The following MAP2K5 variants were observed in gnomAD, a reference collection of about 807,000 sequenced individuals.
The protein encoded by MAP2K5 is mitogen-activated protein kinase kinase 5.
In MAP2K5, 49 loss-of-function variants were observed where a neutral mutation model predicts 83.1. The observed-to-expected ratio is 0.59, with a 90% CI of 0.47 to 0.75. The LOEUF (loss-of-function observed/expected upper bound fraction) is 0.75. MAP2K5 is among the 30% of genes least tolerant of loss of function. MAP2K5 has a pLI of 0.00. For synonymous variants in MAP2K5, 202 were observed against 191.8 expected, an observed-to-expected ratio of 1.05 and a Z score of -0.44; for missense variants, 457 against 557.5, an observed-to-expected ratio of 0.82 and a Z score of 1.82.
At chr15:67,569,132 A>G (rs2583581) in intron 3 of MAP2K5, among the ~76,000 whole-genome samples, 2,915 of 152,324 alleles carry the variant, frequency 0.019, 99 homozygotes, top group African/African-American at 0.065. Flanking sequence ...TAGAAGTTGA[A>G]TATTTAATAG....
intron 16 of MAP2K5, among the ~76,000 whole-genome samples, chr15:67,714,993 C>A (rs944760045): frequency 4.6e-5 from 7 of 152,140 alleles, no homozygotes; most frequent in Non-Finnish European, 5.9e-5. Flanking sequence ...AAAGTTTTTG[C>A]TGAGGACCAT....
intron 16 of MAP2K5, among the ~76,000 whole-genome samples, chr15:67,715,204 A>AT (rs1215821938): frequency 5.5e-5 from 7 of 127,072 alleles, no homozygotes; most frequent in Non-Finnish European, 1.1e-4. Context: ...TTCTGTCTTG[A>AT]TTTTTTTCCA....
chr15:67,747,954 C>T lies in MAP2K5; in HGVS notation c.1075-277C>T, dbSNP rs1445722495. ...TATAAAACATTATTTATATCTGAAT[C>T]GTAAACAGCCTTTTGAAATGGATTA... On this transcript the variant is annotated intron_variant, in intron 17 of 21. Transcript: ENST00000178640. The surrounding 1 kb of genome is among the most constrained non-coding windows in gnomAD (Gnocchi z 4.1). Among the ~76,000 whole-genome samples, 3 of 152,202 alleles carry T rather than the reference C, an allele frequency of 2.0e-5. No individual in the cohort carries two copies. Among genetic ancestry groups the T allele is most frequent in the South Asian group, 2.1e-4 (1 of 4,832 alleles).
intron 17 of MAP2K5, among the ~76,000 whole-genome samples, chr15:67,737,844 CTTTTTTTTTTT>C (rs35988425): frequency 2.9e-5 from 2 of 69,296 alleles, no homozygotes; most frequent in Non-Finnish European, 4.9e-5. Context: ...ATAGAATAGT[CTTTTTTTTTTT>C]TTTTTTTTTT....
At chr15:67,739,106 C>T (rs555180103) in intron 17 of MAP2K5, among the ~76,000 whole-genome samples, 1 of 151,754 alleles carries the variant, frequency 6.6e-6, no homozygotes, top group African/African-American at 2.4e-5. Flanking sequence ...ACAGGGAGAC[C>T]CCGTCTCTAC....
At chr15:67,767,810 G>A (rs921843278) in intron 19 of MAP2K5, among the ~76,000 whole-genome samples, 5 of 152,064 alleles carry the variant, frequency 3.3e-5, no homozygotes, top group East Asian at 1.9e-4. Context: ...ATCCACCTCC[G>A]TTTTTCATGT....
intron 8 of MAP2K5, among the ~76,000 whole-genome samples, chr15:67,601,518 G>A (rs2085658700): frequency 6.6e-6 from 1 of 152,150 alleles, no homozygotes; most frequent in Admixed American, 6.5e-5. Flanking sequence ...TTCCTCCAGA[G>A]AGCTGGTTTT....
chr15:67,710,711 C>A (rs2088671500), intron 16 of MAP2K5, among the ~76,000 whole-genome samples: 1 of 152,008 alleles, frequency 6.6e-6, no homozygotes, highest in African/African-American at 2.4e-5. Context: ...GCCATGTTGG[C>A]CAGGCTGGTC....
chr15:67,791,922 T>C lies in MAP2K5; in HGVS notation c.1243-14724T>C, dbSNP rs3784715. Among the ~76,000 whole-genome samples, 4 of 152,200 alleles carry C rather than the reference T, an allele frequency of 2.6e-5. No homozygotes were observed. The East Asian group carries it at 7.7e-4, about 29-fold the overall frequency. On this transcript the variant is annotated intron_variant, in intron 21 of 21. Coordinates refer to ENST00000178640, the MANE Select transcript of MAP2K5 (RefSeq NM_145160.3). ...CTGTTCCCCTCACCACCAGGGAGAA[T>C]GTCATGGCTGCAACAAAGACTTAAA...
rs951438851 is a variant in MAP2K5, at chr15:67,768,944, A to G, written c.1135-658A>G. Among the ~76,000 whole-genome samples, 2 of 151,696 alleles carry G rather than the reference A, an allele frequency of 1.3e-5. No homozygotes were observed. Among genetic ancestry groups the G allele is most frequent in the Admixed American group, 1.3e-4 (2 of 15,214 alleles). On this transcript the variant is annotated intron_variant, in intron 19 of 21. Coordinates refer to ENST00000178640, the MANE Select transcript of MAP2K5 (RefSeq NM_145160.3). This position sits in a 1 kb window ranked among gnomAD's most constrained non-coding sequence, Gnocchi z 4.0. Reference sequence around the variant, plus strand: ...GTGTAGTTTTCTGCTTTTTTGACTGACTCCCACCTCCATCCTAGTTTTGGT... The same window carrying G: ...GTGTAGTTTTCTGCTTTTTTGACTGGCTCCCACCTCCATCCTAGTTTTGGT...
rs894103815 is a variant in MAP2K5, at chr15:67,760,476, C to T, written c.1135-9126C>T. 6.6e-6 allele frequency among the ~76,000 whole-genome samples: 1 copy of T among 152,128 alleles called. No homozygotes were observed. Among genetic ancestry groups the T allele is most frequent in the African/African-American group, 2.4e-5 (1 of 41,430 alleles). ...CTATATTTTTATTATTTCCAAGTGG[C>T]ACTGAGTGAATTCAGCCAATAGACC... On this transcript the variant is annotated intron_variant, in intron 19 of 21. Coordinates refer to ENST00000178640, the MANE Select transcript of MAP2K5 (RefSeq NM_145160.3). The surrounding 1 kb of genome is among the most constrained non-coding windows in gnomAD (Gnocchi z 4.1).
In MAP2K5 at chr15:67,780,511, A is replaced by G. The variant is rs3784712; in HGVS notation, c.1242+7759A>G. ...ACACTGTGCAGATAAAGTAGACACT[A>G]AACAGATAGACAAACAAGACATGTA... is the stretch of plus-strand genomic sequence containing the variant. On this transcript the variant is annotated intron_variant, in intron 21 of 21. Coordinates refer to ENST00000178640, the MANE Select transcript of MAP2K5 (RefSeq NM_145160.3). The surrounding 1 kb of genome is among the most constrained non-coding windows in gnomAD (Gnocchi z 5.0). 4.2e-3 allele frequency among the ~76,000 whole-genome samples: 640 copies of G among 152,324 alleles called. 26 individuals carry two copies. The East Asian group carries it at 0.073, about 17-fold the overall frequency.
rs967458874 is a variant in MAP2K5, at chr15:67,786,600, G to A, written c.1242+13848G>A. 9.8e-5 allele frequency among the ~76,000 whole-genome samples: 15 copies of A among 152,332 alleles called. No individual in the cohort carries two copies. The highest frequency in any genetic ancestry group is 4.1e-4 in the South Asian group (2 of 4,826). ...AGCTCGGAACAGTGGCCGAGGGGCC[G>A]TAGTAGTCAGTGAGGATGCCTGGCT... On this transcript the variant is annotated intron_variant, in intron 21 of 21. Coordinates refer to ENST00000178640, the MANE Select transcript of MAP2K5 (RefSeq NM_145160.3). This position sits in a 1 kb window ranked among gnomAD's most constrained non-coding sequence, Gnocchi z 4.7.
At chr15:67,597,565 T>C (rs1232580197) in intron 7 of MAP2K5, among the ~76,000 whole-genome samples, 2 of 152,238 alleles carry the variant, frequency 1.3e-5, no homozygotes, top group Non-Finnish European at 2.9e-5. Flanking sequence ...TTAAATACAA[T>C]ATTCCATAAG....
rs1180727067 is a variant in MAP2K5, at chr15:67,623,754, C to T, written c.546-7134C>T. On this transcript the variant is annotated intron_variant, in intron 8 of 21. Transcript: ENST00000178640. Reference sequence around the variant, plus strand: ...CTGGGATTACAGGCACCCACCACCACACTGGGCTAATTTTGTATTTTTAAT... The same window carrying T: ...CTGGGATTACAGGCACCCACCACCATACTGGGCTAATTTTGTATTTTTAAT... Among the ~76,000 whole-genome samples, 5 of 151,852 alleles carry T rather than the reference C, an allele frequency of 3.3e-5. No individual in the cohort carries two copies. The East Asian group carries it at 9.8e-4, about 30-fold the overall frequency.
In MAP2K5 at chr15:67,757,583, G is replaced by A. The variant is rs1488380217; in HGVS notation, c.1134+8982G>A. Among the ~76,000 whole-genome samples, 5 of 152,090 alleles carry A rather than the reference G, an allele frequency of 3.3e-5. No individual in the cohort carries two copies. The highest frequency in any genetic ancestry group is 7.4e-5 in the Non-Finnish European group (5 of 68,016). On this transcript the variant is annotated intron_variant, in intron 19 of 21. Coordinates refer to ENST00000178640, the MANE Select transcript of MAP2K5 (RefSeq NM_145160.3). This position sits in a 1 kb window ranked among gnomAD's most constrained non-coding sequence, Gnocchi z 4.9. ...AAACCTGTGTTAATCCCAGAGCTCG[G>A]TACCGGGGATAGAGAATGAATAAGA...
At position 67,596,301 on chromosome 15, in the gene MAP2K5, C is replaced by T. The variant is rs554083251; in HGVS notation, c.480+3327C>T. Reference sequence around the variant, plus strand: ...GCTGGGTGTGGCGGCCCATGCCCAGCTACTTAGGTGGCTGAGGCATAAGAA... The same window carrying T: ...GCTGGGTGTGGCGGCCCATGCCCAGTTACTTAGGTGGCTGAGGCATAAGAA... On this transcript the variant is annotated intron_variant, in intron 7 of 21. Transcript: ENST00000178640. Among the ~76,000 whole-genome samples the T allele has an allele frequency of 3.5e-3, 538 of 152,164 alleles. 5 individuals are homozygous for T. The highest frequency in any genetic ancestry group is 0.012 in the African/African-American group (507 of 41,508).
At chr15:67,554,071 T>A (rs2084572480) in intron 2 of MAP2K5, among the ~76,000 whole-genome samples, 1 of 152,122 alleles carries the variant, frequency 6.6e-6, no homozygotes, top group Non-Finnish European at 1.5e-5. Flanking sequence ...ACATTTTTGG[T>A]TTTTTTGAAA....
intron 8 of MAP2K5, among the ~76,000 whole-genome samples, chr15:67,604,354 A>T (rs1269693187): frequency 6.6e-6 from 1 of 152,246 alleles, no homozygotes; most frequent in Non-Finnish European, 1.5e-5. Flanking sequence ...TTGTTGCCTC[A>T]TTTCCTAAAG....
Sources: gnomAD v4.1 joint callset for allele counts (sites outside exome capture counted in the v4.1 genomes callset) on GRCh38, gnomAD v4.1.1 for gene constraint, Gnocchi (gnomAD v3.1) non-coding constraint, MANE v1.5 for transcripts, NCBI Gene and HGNC (gene_info 2026-07-23, HGNC 2026-07-21) for gene names.